The following MCTP2 variants were observed in gnomAD, a reference collection of about 807,000 sequenced individuals.
The protein encoded by MCTP2 is multiple C2 and transmembrane domain-containing protein 2.
A neutral mutation model predicts 111.6 loss-of-function variants in MCTP2; 132 were observed. The observed-to-expected ratio is 1.18, with a 90% confidence interval of 1.03 to 1.37. MCTP2 has a LOEUF of 1.37. MCTP2 is among the 40% of genes most tolerant of loss of function. The pLI is 0.00. For missense variants in MCTP2, 1,183 were observed against 1,067.9 expected (o/e 1.11, Z -1.50); for synonymous variants, 395 against 387.7 (o/e 1.02, Z -0.22).
At chr15:94,268,280 C>T (rs1038736790) in intron 1 of MCTP2, among the ~76,000 whole-genome samples, 1 of 150,354 alleles carries the variant, frequency 6.7e-6, no homozygotes, top group East Asian at 2.0e-4. Flanking sequence ...TCCTGGGTTC[C>T]AGTGATTCTC....
intron 8 of MCTP2, among the ~76,000 whole-genome samples, chr15:94,348,868 T>G (rs2078143760): frequency 6.6e-6 from 1 of 152,098 alleles, no homozygotes; most frequent in African/African-American, 2.4e-5. Context: ...CCACTCCTAG[T>G]AACACCTGTT....
intron 2 of MCTP2, among the ~76,000 whole-genome samples, chr15:94,310,722 T>C (rs976128882): frequency 1.3e-5 from 2 of 150,756 alleles, no homozygotes; most frequent in African/African-American, 4.8e-5. Flanking sequence ...TAAAATAATA[T>C]ATAATACTAC....
At chr15:94,251,381 G>A (rs969763857) in intron 1 of MCTP2, among the ~76,000 whole-genome samples, 8 of 149,504 alleles carry the variant, frequency 5.4e-5, no homozygotes, top group African/African-American at 1.7e-4. Context: ...TTTTTGAGAC[G>A]GAGTTTCGCT....
At chr15:94,357,991 T>C (rs1042061818) in intron 9 of MCTP2, among the ~76,000 whole-genome samples, 1 of 152,186 alleles carries the variant, frequency 6.6e-6, no homozygotes, top group Admixed American at 6.5e-5. Flanking sequence ...GATTTAAAAA[T>C]AGGTAGCAAT....
At chr15:94,438,812 TTGTG>T (rs2083617050) in intron 17 of MCTP2, among the ~76,000 whole-genome samples, 2 of 152,156 alleles carry the variant, frequency 1.3e-5, no homozygotes, top group African/African-American at 2.4e-5. Flanking sequence ...TAAAAATGGT[TTGTG>T]TGTGTTCTTA....
At chr15:94,285,131 C>A (rs573963905) in intron 1 of MCTP2, among the ~76,000 whole-genome samples, 52 of 152,160 alleles carry the variant, frequency 3.4e-4, no homozygotes, top group African/African-American at 1.2e-3. Context: ...TCTGGAAGAA[C>A]CCAGGCATAA....
chr15:94,394,397 T>A (rs1464975993), intron 14 of MCTP2, among the ~76,000 whole-genome samples: 1 of 152,168 alleles, frequency 6.6e-6, no homozygotes, highest in Non-Finnish European at 1.5e-5. Context: ...TTCATCTGCA[T>A]TGTTTTAGCA....
chr15:94,411,018 A>G (rs949436383), intron 17 of MCTP2, among the ~76,000 whole-genome samples: 5 of 152,200 alleles, frequency 3.3e-5, no homozygotes, highest in African/African-American at 1.2e-4. Flanking sequence ...AGAGCTGGAA[A>G]ATCTCTAACT....
chr15:94,392,550 C>T (rs759459635), intron 14 of MCTP2, among the ~76,000 whole-genome samples: 12 of 152,036 alleles, frequency 7.9e-5, no homozygotes, highest in Non-Finnish European at 1.5e-4. Flanking sequence ...TGTGGTGGCT[C>T]ACACCTGTAA....
At chr15:94,385,669 C>A in intron 14 of MCTP2, 144 bp downstream of exon 14, 1 of 592,634 alleles carries the variant, frequency 1.7e-6, no homozygotes. Context: ...ATTCCTCATT[C>A]TTTTCCGGTA....
At chr15:94,456,005 A>T (rs2084813755) in intron 19 of MCTP2, among the ~76,000 whole-genome samples, 1 of 152,198 alleles carries the variant, frequency 6.6e-6, no homozygotes, top group African/African-American at 2.4e-5. Flanking sequence ...ACAAAAATCT[A>T]TTTTTTATTT....
intron 20 of MCTP2, among the ~76,000 whole-genome samples, chr15:94,458,815 G>A (rs1400149595): frequency 2.0e-5 from 3 of 152,318 alleles, no homozygotes; most frequent in Non-Finnish European, 2.9e-5. Context: ...TCTCTGTCCT[G>A]ACTACTCAAC....
At chr15:94,372,603 C>T (rs1304424293) in intron 12 of MCTP2, among the ~76,000 whole-genome samples, 6 of 152,092 alleles carry the variant, frequency 3.9e-5, no homozygotes, top group Admixed American at 3.9e-4. Flanking sequence ...ATAAAACAGA[C>T]CTCAACAGTG....
intron 1 of MCTP2, among the ~76,000 whole-genome samples, chr15:94,286,852 G>A (rs1210655750): frequency 1.3e-5 from 2 of 152,172 alleles, no homozygotes; most frequent in African/African-American, 4.8e-5. Context: ...TTAGTGGTTT[G>A]GAGAGGGAAA....
chr15:94,425,593 AAAAAC>A (rs2082845339), intron 17 of MCTP2, among the ~76,000 whole-genome samples: 1 of 152,156 alleles, frequency 6.6e-6, no homozygotes, highest in Non-Finnish European at 1.5e-5. Flanking sequence ...AATCAAAAGA[AAAAAC>A]AAAAATAAAA....
intron 1 of MCTP2, among the ~76,000 whole-genome samples, chr15:94,261,023 G>A (rs1386537499): frequency 2.0e-5 from 3 of 152,100 alleles, no homozygotes; most frequent in African/African-American, 7.2e-5. Context: ...TCATGACCGA[G>A]ACCCTCCTTT....
chr15:94,257,656 G>A (rs1300775272), intron 1 of MCTP2, among the ~76,000 whole-genome samples: 4 of 125,998 alleles, frequency 3.2e-5, no homozygotes, highest in African/African-American at 1.2e-4. Flanking sequence ...GCATGATCTC[G>A]GCCCAATGCA....
chr15:94,324,519 C>CT (rs1423139642), intron 4 of MCTP2, among the ~76,000 whole-genome samples: 3 of 152,278 alleles, frequency 2.0e-5, no homozygotes, highest in Admixed American at 6.5e-5. Flanking sequence ...GTTTGATGGT[C>CT]TTTTTTGATG....
intron 14 of MCTP2, among the ~76,000 whole-genome samples, chr15:94,395,537 A>C (rs2081237899): frequency 6.6e-6 from 1 of 152,212 alleles, no homozygotes; most frequent in Non-Finnish European, 1.5e-5. Context: ...AAAAGAGTTC[A>C]AGATGAGAAG....
Sources: allele counts gnomAD v4.1 joint callset (sites outside exome capture counted in the v4.1 genomes callset), GRCh38; gene constraint gnomAD v4.1.1; transcripts MANE v1.5; gene names NCBI Gene and HGNC (gene_info 2026-07-23, HGNC 2026-07-21).